SGCZ: variants seen among roughly 807,000 people sequenced by gnomAD.
SGCZ encodes zeta-sarcoglycan.
A neutral mutation model predicts 41.3 loss-of-function variants in SGCZ; 40 were observed. The observed-to-expected ratio is 0.97, with a 90% confidence interval of 0.75 to 1.26. SGCZ has a LOEUF of 1.26. Among genes scored for constraint, SGCZ ranks in the 50% most tolerant of loss-of-function variants. SGCZ has a pLI of 0.00. For missense variants in SGCZ, 552 were observed against 369.8 expected, an observed-to-expected ratio of 1.49 and a Z score of -4.04; for synonymous variants, 206 against 137.5, an observed-to-expected ratio of 1.50 and a Z score of -3.49.
At chr8:14,177,998 C>T (rs1804606155) in intron 4 of SGCZ, among the ~76,000 whole-genome samples, 1 of 104,700 alleles carries the variant, frequency 9.6e-6, no homozygotes, top group Non-Finnish European at 1.8e-5. Flanking sequence ...CACTCTGTCA[C>T]CCAGGCTGGA....
intron 1 of SGCZ, among the ~76,000 whole-genome samples, chr8:15,093,963 G>A (rs1299994062): frequency 6.6e-6 from 1 of 152,132 alleles, no homozygotes; most frequent in Non-Finnish European, 1.5e-5. Context: ...TGTACAAGAA[G>A]CAAGAAAGAC....
At chr8:14,575,545 A>G (rs559480353) in intron 1 of SGCZ, among the ~76,000 whole-genome samples, 1 of 152,356 alleles carries the variant, frequency 6.6e-6, no homozygotes, top group Non-Finnish European at 1.5e-5. Context: ...AATATTGGGG[A>G]CAAAACATGA....
intron 5 of SGCZ, among the ~76,000 whole-genome samples, chr8:14,160,408 G>A (rs1356619893): frequency 6.6e-6 from 1 of 151,952 alleles, no homozygotes; most frequent in Non-Finnish European, 1.5e-5. Context: ...TCCTTTTTTT[G>A]TTGTGTTGAC....
At chr8:14,927,242 G>A (rs569771840) in intron 1 of SGCZ, among the ~76,000 whole-genome samples, 5 of 151,600 alleles carry the variant, frequency 3.3e-5, no homozygotes, top group East Asian at 3.9e-4. Context: ...CGGAGCAGCT[G>A]GGACTACAGG....
chr8:14,491,644 A>C (rs1207207375), intron 2 of SGCZ, among the ~76,000 whole-genome samples: 1 of 152,184 alleles, frequency 6.6e-6, no homozygotes, highest in Non-Finnish European at 1.5e-5. Flanking sequence ...TGTAGTATAC[A>C]TTTTTATGTT....
chr8:14,269,315 C>G (rs1585302566), intron 3 of SGCZ, among the ~76,000 whole-genome samples: 1 of 152,084 alleles, frequency 6.6e-6, no homozygotes, highest in East Asian at 1.9e-4. Context: ...GAAATGTCCA[C>G]TTTTTATATT....
intron 1 of SGCZ, among the ~76,000 whole-genome samples, chr8:15,202,305 A>C (rs1042434391): frequency 2.0e-5 from 3 of 152,222 alleles, no homozygotes. Context: ...AATGTGACAG[A>C]ATACTAGTCA....
chr8:15,083,155 T>C (rs983996235), intron 1 of SGCZ, among the ~76,000 whole-genome samples: 2 of 152,092 alleles, frequency 1.3e-5, no homozygotes, highest in Admixed American at 1.3e-4. Context: ...CCCAAGGAAA[T>C]TGGAATTGTA....
intron 4 of SGCZ, among the ~76,000 whole-genome samples, chr8:14,207,136 A>G (rs1416435019): frequency 7.5e-5 from 1 of 13,420 alleles, no homozygotes; most frequent in Non-Finnish European, 1.1e-4. Context: ...GAAAGGGTAG[A>G]GGGTGATGGT....
In SGCZ at chr8:14,526,077, C is replaced by T. The variant is rs1206299667; in HGVS notation, c.234+28655G>A. ...TTCGAAAAAGTATTTTGATATCTTA[C>T]AGAAACTTTGCTGAAAGTGCACAAT... is the stretch of plus-strand genomic sequence containing the variant. On this transcript the variant is annotated intron_variant, in intron 2 of 7. Transcript: ENST00000382080. Among the ~76,000 whole-genome samples, 83 of 152,018 alleles carry T rather than the reference C, an allele frequency of 5.5e-4. 1 individual carries two copies. Among genetic ancestry groups the T allele is most frequent in the Non-Finnish European group, 8.8e-5 (6 of 67,990 alleles).
At chr8:14,821,662 A>G (rs913248948) in intron 1 of SGCZ, among the ~76,000 whole-genome samples, 9 of 152,112 alleles carry the variant, frequency 5.9e-5, no homozygotes, top group African/African-American at 2.2e-4. Flanking sequence ...GTCTTAACAT[A>G]CCCAAATCAT....
At chr8:14,274,966 G>A (rs1800178745) in intron 3 of SGCZ, among the ~76,000 whole-genome samples, 1 of 152,036 alleles carries the variant, frequency 6.6e-6, no homozygotes, top group Admixed American at 6.6e-5. Context: ...GGTCGTTCAT[G>A]ATCTTTTAAA....
At chr8:14,595,400 A>AAC (rs34287378) in intron 1 of SGCZ, among the ~76,000 whole-genome samples, 12,393 of 136,008 alleles carry the variant, frequency 0.091, 512 homozygotes, top group South Asian at 0.12. Context: ...AACATGCACA[A>AAC]ACACACACAC....
chr8:14,885,827 T>C (rs1402701684), intron 1 of SGCZ, among the ~76,000 whole-genome samples: 1 of 151,414 alleles, frequency 6.6e-6, no homozygotes, highest in Non-Finnish European at 1.5e-5. Context: ...ATTTTTCTGA[T>C]TATAAAAAGA....
At chr8:14,347,619 A>C in intron 2 of SGCZ, among the ~76,000 whole-genome samples, 1 of 140,488 alleles carries the variant, frequency 7.1e-6, no homozygotes, top group South Asian at 2.2e-4. Context: ...AAAAATTATA[A>C]TTATAAAAAA....
intron 4 of SGCZ, among the ~76,000 whole-genome samples, chr8:14,221,206 T>C (rs544513629): frequency 6.6e-6 from 1 of 152,240 alleles, no homozygotes; most frequent in South Asian, 2.1e-4. Flanking sequence ...TATGTGTGTG[T>C]AAAACCAGGA....
chr8:14,748,328 C>G (rs1289019524), intron 1 of SGCZ, among the ~76,000 whole-genome samples: 1 of 152,140 alleles, frequency 6.6e-6, no homozygotes, highest in African/African-American at 2.4e-5. Flanking sequence ...AACTATTATA[C>G]TATCTCAAAA....
chr8:14,909,734 T>A (rs1585370258), intron 1 of SGCZ, among the ~76,000 whole-genome samples: 2 of 152,244 alleles, frequency 1.3e-5, no homozygotes, highest in South Asian at 4.1e-4. Context: ...AATTTGGAGA[T>A]GTTTATTCAG....
rs139867560 is a variant in SGCZ, at chr8:14,823,712, C to A, written c.40-268786G>T. On this transcript the variant is annotated intron_variant, in intron 1 of 7. Transcript: ENST00000382080. ...AAAATAGAACTACCATATCATCCAG[C>A]AATTCCATTCCTGTGTCTATATTCA... 1.2e-4 allele frequency among the ~76,000 whole-genome samples: 19 copies of A among 152,252 alleles called. No individual in the cohort carries two copies. The East Asian group carries it at 3.1e-3, about 25-fold the overall frequency.
Sources: allele counts gnomAD v4.1 joint callset (sites outside exome capture counted in the v4.1 genomes callset), GRCh38; gene constraint gnomAD v4.1.1; transcripts MANE v1.5; gene names NCBI Gene and HGNC (gene_info 2026-07-23, HGNC 2026-07-21).